The following MYO6 variants were observed in gnomAD, a reference collection of about 807,000 sequenced individuals.
MYO6 encodes myosin VI, also known as unconventional myosin-VI.
A neutral mutation model predicts 178.7 loss-of-function variants in MYO6; 74 were observed. That is an observed-to-expected ratio of 0.41 (90% confidence interval 0.34 to 0.50). The LOEUF (loss-of-function observed/expected upper bound fraction) is 0.50. Ranked by LOEUF, MYO6 falls within the 20% of genes least tolerant of loss-of-function variation. The pLI is 0.09. For missense variants in MYO6, 1,330 were observed against 1,547.4 expected (o/e 0.86, Z 2.36); for synonymous variants, 477 against 504.6 (o/e 0.95, Z 0.73).
chr6:75,836,530 TCTC>T (rs1234016674), intron 7 of MYO6, among the ~76,000 whole-genome samples: 1 of 152,164 alleles, frequency 6.6e-6, no homozygotes, highest in Non-Finnish European at 1.5e-5. Context: ...GATTCTTACT[TCTC>T]CTTAATCCAG....
At position 75,908,485 on chromosome 6, in the gene MYO6, G is replaced by A. The variant is rs769951030; in HGVS notation, c.3281-11G>A. 3 of 1,603,384 alleles carry A rather than the reference G, an allele frequency of 1.9e-6. No homozygotes were observed. Among genetic ancestry groups the A allele is most frequent in the Non-Finnish European group, 2.6e-6 (3 of 1,175,408 alleles). Reference sequence around the variant, plus strand: ...TGTCAATTTTTTTTTTTTGCTCAATGTAATCAATAGATATTGAGCTCCTGG... The same window carrying A: ...TGTCAATTTTTTTTTTTTGCTCAATATAATCAATAGATATTGAGCTCCTGG... On this transcript the variant is annotated splice_polypyrimidine_tract_variant and intron_variant, in intron 31 of 34. Coordinates refer to ENST00000369977, the MANE Select transcript of MYO6 (RefSeq NM_004999.4).
chr6:75,880,970 G>C (rs1182482976), intron 22 of MYO6, among the ~76,000 whole-genome samples: 1 of 152,188 alleles, frequency 6.6e-6, no homozygotes, highest in Admixed American at 6.5e-5. Context: ...TGGAAATGGG[G>C]GTTGGGCGCT....
chr6:75,912,682 G>A (rs1290285456), intron 33 of MYO6, among the ~76,000 whole-genome samples: 7 of 151,984 alleles, frequency 4.6e-5, no homozygotes, highest in Non-Finnish European at 1.0e-4. Context: ...TTAGATGGAG[G>A]GAAGGTTTTT....
intron 1 of MYO6, among the ~76,000 whole-genome samples, chr6:75,810,337 A>T (rs1444682714): frequency 6.6e-6 from 1 of 152,186 alleles, no homozygotes; most frequent in Non-Finnish European, 1.5e-5. Context: ...ATGTCAAAGA[A>T]ATATATTGTG....
chr6:75,856,978 C>T, intron 12 of MYO6, 119 bp from the exon 13 acceptor site: 1 of 915,356 alleles, frequency 1.1e-6, no homozygotes, highest in Admixed American at 2.2e-5. Flanking sequence ...CCTATTCTCA[C>T]ATGACCTTTG....
At chr6:75,766,702 G>T (rs1396902647) in intron 1 of MYO6, among the ~76,000 whole-genome samples, 1 of 152,070 alleles carries the variant, frequency 6.6e-6, no homozygotes, top group African/African-American at 2.4e-5. Flanking sequence ...AACACCTTTT[G>T]GTAAAGTTCC....
chr6:75,828,680 T>C (rs1208215359), intron 4 of MYO6, 67 bp downstream of exon 4: 8 of 1,034,374 alleles, frequency 7.7e-6, no homozygotes, highest in Non-Finnish European at 1.2e-5. Flanking sequence ...TCTTTGATTT[T>C]GTCACGCTTG....
At chr6:75,875,949 G>A (rs917037912) in intron 20 of MYO6, among the ~76,000 whole-genome samples, 1 of 152,098 alleles carries the variant, frequency 6.6e-6, no homozygotes, top group Admixed American at 6.5e-5. Context: ...GTCCCATAGA[G>A]CCTGGCCCGT....
intron 20 of MYO6, among the ~76,000 whole-genome samples, chr6:75,879,193 CAG>C (rs1777810518): frequency 1.3e-5 from 2 of 152,228 alleles, no homozygotes; most frequent in East Asian, 1.9e-4. Flanking sequence ...GTTTGTGACA[CAG>C]AGTCTTCTAA....
chr6:75,814,397 T>G (rs1771001947), intron 1 of MYO6, among the ~76,000 whole-genome samples: 2 of 152,312 alleles, frequency 1.3e-5, no homozygotes, highest in African/African-American at 4.8e-5. Flanking sequence ...GCTCACCTGA[T>G]TTTTTGTTCT....
intron 25 of MYO6, 94 bp downstream of exon 25, chr6:75,887,088 T>C: frequency 8.1e-7 from 1 of 1,238,144 alleles, no homozygotes; most frequent in Non-Finnish European, 1.2e-6. Context: ...GTCCTTAGTT[T>C]TTCAAAATTA....
intron 2 of MYO6, among the ~76,000 whole-genome samples, chr6:75,819,866 C>T (rs1280048): frequency 0.26 from 39,547 of 151,930 alleles, 7,485 homozygotes; most frequent in African/African-American, 0.53. Flanking sequence ...CTAGCCTGGG[C>T]GACATAGTGA....
intron 30 of MYO6, among the ~76,000 whole-genome samples, chr6:75,899,679 AG>A (rs1779578529): frequency 6.6e-6 from 1 of 151,438 alleles, no homozygotes; most frequent in African/African-American, 2.4e-5. Flanking sequence ...AAATACGGGA[AG>A]GACTAATGGC....
At chr6:75,814,545 G>A (rs374087896) in intron 1 of MYO6, among the ~76,000 whole-genome samples, 22 of 152,214 alleles carry the variant, frequency 1.4e-4, no homozygotes, top group African/African-American at 4.1e-4. Flanking sequence ...GTGAGCCACC[G>A]TTCCTGGCTG....
At chr6:75,782,804 T>C (rs1221538379) in intron 1 of MYO6, among the ~76,000 whole-genome samples, 1 of 152,194 alleles carries the variant, frequency 6.6e-6, no homozygotes, top group African/African-American at 2.4e-5. Context: ...CCAAGGATTC[T>C]GAGTGTCTTT....
Position 75,907,311 on chromosome 6 carries a change from A to G in MYO6, c.3177-294A>G, listed in dbSNP as rs113462945. On this transcript the variant is annotated intron_variant, in intron 30 of 34. Transcript: ENST00000369977. ...TTCAACTTTAAGTGTTCGTATATAT[A>G]TTAGTAAAAACATTGAAACTGAAGT... Among the ~76,000 whole-genome samples, 616 of 152,324 alleles carry G rather than the reference A, an allele frequency of 4.0e-3. 6 individuals are homozygous for G. Among genetic ancestry groups the G allele is most frequent in the African/African-American group, 0.014 (589 of 41,564 alleles).
At chr6:75,871,334 C>T (rs1318875172) in intron 19 of MYO6, among the ~76,000 whole-genome samples, 1 of 152,200 alleles carries the variant, frequency 6.6e-6, no homozygotes, top group Non-Finnish European at 1.5e-5. Context: ...GCTGCAACCT[C>T]CGCCTCTCTG....
At position 75,856,484 on chromosome 6, in the gene MYO6, CT is replaced by C. The variant is rs369616135; in HGVS notation, c.1224-599del. Among the ~76,000 whole-genome samples, 1,010 of 138,564 alleles carry C rather than the reference CT, an allele frequency of 7.3e-3. 4 individuals are homozygous for C. Among genetic ancestry groups the C allele is most frequent in the African/African-American group, 0.02 (746 of 38,008 alleles). The allele number at this position is 138,564 out of a possible 152,430, so 90.9% of individuals were successfully genotyped here. ...TAATTCTACTTCCAAATTTGACTTT[CT>C]TTTTTTTTTTTTTGTGCTCTCTTGG... On this transcript the variant is annotated intron_variant, in intron 12 of 34. Coordinates refer to ENST00000369977, the MANE Select transcript of MYO6 (RefSeq NM_004999.4).
intron 11 of MYO6, among the ~76,000 whole-genome samples, chr6:75,852,312 C>G (rs1775351964): frequency 6.6e-6 from 1 of 152,048 alleles, no homozygotes; most frequent in African/African-American, 2.4e-5. Context: ...AAAATATTCT[C>G]AAAGTATCTC....
Sources: gnomAD v4.1 joint callset for allele counts (sites outside exome capture counted in the v4.1 genomes callset) on GRCh38, gnomAD v4.1.1 for gene constraint, MANE v1.5 for transcripts, NCBI Gene and HGNC (gene_info 2026-07-23, HGNC 2026-07-21) for gene names.